The following PCDHGA2 variants were observed in gnomAD, a reference collection of about 807,000 sequenced individuals.
PCDHGA2 encodes the protein protocadherin gamma subfamily A, 2.
In PCDHGA2, 40 loss-of-function variants were observed where a neutral mutation model predicts 59.2. The ratio of observed to expected loss-of-function variants is 0.68; its 90% confidence interval spans 0.52 to 0.88. PCDHGA2 has a LOEUF of 0.88. PCDHGA2 is among the 40% of genes least tolerant of loss of function. The pLI is 0.00. For synonymous variants in PCDHGA2, 560 were observed against 526.0 expected, an observed-to-expected ratio of 1.06 and a Z score of -0.89; for missense variants, 1,226 against 1,204.0, an observed-to-expected ratio of 1.02 and a Z score of -0.27.
rs760575047 is a variant in PCDHGA2 at position 141,493,887 on chromosome 5, G to A, written c.2425-920G>A. Among the ~76,000 whole-genome samples the A allele has an allele frequency of 1.3e-5, 2 of 152,184 alleles. No individual in the cohort carries two copies. The highest frequency in any genetic ancestry group is 2.4e-5 in the African/African-American group (1 of 41,448). On this transcript the variant is annotated intron_variant, in intron 1 of 3. Coordinates refer to ENST00000394576, the MANE Select transcript of PCDHGA2 (RefSeq NM_018915.4). The surrounding 1 kb of genome is among the most constrained non-coding windows in gnomAD (Gnocchi z 4.3). Reference sequence around the variant, plus strand: ...AGAACCAGTGAGGAGGTGGCTCTAGGAGTGCTCCATGAGAGTGTGTGATGG... The same window carrying A: ...AGAACCAGTGAGGAGGTGGCTCTAGAAGTGCTCCATGAGAGTGTGTGATGG...
intron 2 of PCDHGA2, among the ~76,000 whole-genome samples, chr5:141,496,733 C>A (rs1221912777): frequency 6.6e-6 from 1 of 152,138 alleles, no homozygotes; most frequent in Non-Finnish European, 1.5e-5. Context: ...TGTATTCATT[C>A]GTTCATTTAT....
chr5:141,399,084 T>C (rs752476131), intron 1 of PCDHGA2: 2 of 1,613,796 alleles, frequency 1.2e-6, no homozygotes, highest in South Asian at 1.1e-5. Context: ...AAGGGAGGGA[T>C]GGTGGTGGAC....
At chr5:141,502,932 C>T (rs1039438031) in intron 2 of PCDHGA2, among the ~76,000 whole-genome samples, 2 of 143,766 alleles carry the variant, frequency 1.4e-5, no homozygotes, top group African/African-American at 5.3e-5. Context: ...CAACCTTCAC[C>T]TCCTGGGTTC....
intron 1 of PCDHGA2, chr5:141,404,839 T>C: frequency 6.2e-7 from 1 of 1,613,458 alleles, no homozygotes; most frequent in Non-Finnish European, 8.5e-7. Context: ...TGCGCACAGC[T>C]CGGGCCCTGC....
At chr5:141,345,326 A>G in intron 1 of PCDHGA2, 1 of 1,614,000 alleles carries the variant, frequency 6.2e-7, no homozygotes, top group Non-Finnish European at 8.5e-7. Context: ...GAAGCCCGCC[A>G]CTGTCCACAG....
intron 1 of PCDHGA2, among the ~76,000 whole-genome samples, chr5:141,461,739 C>T (rs1048636018): frequency 3.9e-5 from 6 of 152,134 alleles, no homozygotes; most frequent in Non-Finnish European, 7.4e-5. Context: ...GGCACAATCC[C>T]GGCTCCCAGA....
intron 1 of PCDHGA2, among the ~76,000 whole-genome samples, chr5:141,449,543 C>T (rs377524476): frequency 2.7e-5 from 4 of 147,148 alleles, no homozygotes; most frequent in Non-Finnish European, 4.5e-5. Context: ...GAGCCGAGAT[C>T]GCACCACTGC....
rs777545006 is a variant in PCDHGA2 at position 141,356,045 on chromosome 5, G to A, written c.2424+14650G>A. ...AATGGAGACGTGACGTATTCTTTCCGGAAAGTAAGAGACAAAATATCACAG... is the reference window on the plus strand; with the variant it reads ...AATGGAGACGTGACGTATTCTTTCCAGAAAGTAAGAGACAAAATATCACAG... On this transcript the variant is annotated intron_variant, in intron 1 of 3. Coordinates refer to ENST00000394576, the MANE Select transcript of PCDHGA2 (RefSeq NM_018915.4). The A allele has an allele frequency of 6.2e-7, 1 of 1,613,906 alleles. No individual in the cohort carries two copies. Among genetic ancestry groups the A allele is most frequent in the Admixed American group, 1.7e-5 (1 of 60,016 alleles).
At chr5:141,358,959 G>T (rs190697556) in intron 1 of PCDHGA2, among the ~76,000 whole-genome samples, 1 of 152,196 alleles carries the variant, frequency 6.6e-6, no homozygotes, top group Admixed American at 6.5e-5. Context: ...CTTTCATTTA[G>T]GTTCTGTGAG....
rs754384717 is a variant in PCDHGA2 at position 141,385,373 on chromosome 5, T to C, written c.2424+43978T>C. The C allele has an allele frequency of 3.9e-6, 6 of 1,529,356 alleles. No individual in the cohort carries two copies. The East Asian group carries it at 1.4e-4, about 35-fold the overall frequency. 94.7% of individuals were successfully genotyped at this position (1,529,356 alleles called of 1,614,324 possible). ...CCATGAGGAATTTATTTGCATGATA[T>C]TTCTCTATTATTTTGCAAAACAAAT... On this transcript the variant is annotated intron_variant, in intron 1 of 3. Coordinates refer to ENST00000394576, the MANE Select transcript of PCDHGA2 (RefSeq NM_018915.4).
At chr5:141,488,159 C>T (rs888153570) in intron 1 of PCDHGA2, among the ~76,000 whole-genome samples, 1 of 152,126 alleles carries the variant, frequency 6.6e-6, no homozygotes, top group Non-Finnish European at 1.5e-5. Flanking sequence ...GAGAGGCACG[C>T]ATCAGAGTGG....
intron 1 of PCDHGA2, chr5:141,384,769 G>A (rs778610936): frequency 6.2e-7 from 1 of 1,613,914 alleles, no homozygotes; most frequent in Non-Finnish European, 8.5e-7. Context: ...GCTGTACACG[G>A]GCGAGGTGCG....
At chr5:141,371,549 A>G in intron 1 of PCDHGA2, 1 of 1,613,886 alleles carries the variant, frequency 6.2e-7, no homozygotes, top group Non-Finnish European at 8.5e-7. Flanking sequence ...TCCTATGCCA[A>G]CTAAAAGGAA....
intron 1 of PCDHGA2, chr5:141,367,435 G>A (rs578251021): frequency 6.6e-6 from 1 of 152,322 alleles, no homozygotes; most frequent in African/African-American, 2.4e-5. Flanking sequence ...TACTCGGAAG[G>A]CTGAGGCAGG....
At chr5:141,450,460 TTATA>T (rs1234300844) in intron 1 of PCDHGA2, among the ~76,000 whole-genome samples, 1 of 152,104 alleles carries the variant, frequency 6.6e-6, no homozygotes, top group Non-Finnish European at 1.5e-5. Flanking sequence ...CCTCGTGATT[TTATA>T]TATAGAGTTT....
intron 1 of PCDHGA2, chr5:141,362,463 C>G (rs745712262): frequency 6.2e-7 from 1 of 1,613,916 alleles, no homozygotes; most frequent in Non-Finnish European, 8.5e-7. Flanking sequence ...AATTGGTTCC[C>G]GCGCAAGATC....
At chr5:141,344,940 A>G in intron 1 of PCDHGA2, 1 of 1,613,934 alleles carries the variant, frequency 6.2e-7, no homozygotes, top group Non-Finnish European at 8.5e-7. Context: ...AGAAGTATCA[A>G]TATTAAAAAG....
chr5:141,382,917 G>A (rs527482854), intron 1 of PCDHGA2: 1 of 1,555,450 alleles, frequency 6.4e-7, no homozygotes, highest in East Asian at 2.3e-5. Flanking sequence ...CTCAGCCGAG[G>A]GGCGGGGACT....
rs759346998 is a variant in PCDHGA2 at position 141,410,849 on chromosome 5, C to CTTTTTTTTTT, written c.2424+69467_2424+69476dup. ...CAGACTGAAGATATTTTGTCTTTGT[C>CTTTTTTTTTT]TTTTTTTTTTTTTTTTTTTTTTGAG... On this transcript the variant is annotated intron_variant, in intron 1 of 3. Coordinates refer to ENST00000394576, the MANE Select transcript of PCDHGA2 (RefSeq NM_018915.4). 91 of 138,162 alleles carry CTTTTTTTTTT rather than the reference C, an allele frequency of 6.6e-4. 6 individuals are homozygous for CTTTTTTTTTT. The highest frequency in any genetic ancestry group is 2.3e-3 in the African/African-American group (38 of 16,624). The allele number at this position is 138,162 out of a possible 1,614,324, so 8.6% of individuals were successfully genotyped here. A position where few individuals can be genotyped will look rare whatever the true frequency, so the allele number is the denominator to read the frequency against.
Sources: gnomAD v4.1 joint callset for allele counts (sites outside exome capture counted in the v4.1 genomes callset) on GRCh38, gnomAD v4.1.1 for gene constraint, Gnocchi (gnomAD v3.1) non-coding constraint, MANE v1.5 for transcripts, NCBI Gene and HGNC (gene_info 2026-07-23, HGNC 2026-07-21) for gene names.